Variants in CSPG4 observed in about 807,000 individuals in gnomAD.
CSPG4 encodes the protein chondroitin sulfate proteoglycan 4 (melanoma-associated).
CSPG4 carries 74 observed loss-of-function variants against 139.3 expected under a neutral mutation model. The ratio of observed to expected loss-of-function variants is 0.53; its 90% CI spans 0.44 to 0.64. The LOEUF is 0.64. Among genes scored for constraint, CSPG4 ranks in the 30% least tolerant of loss-of-function variants. The pLI is 0.00. For missense variants in CSPG4, 2,565 were observed against 3,148.3 expected (o/e 0.81, Z 4.43); for synonymous variants, 1,234 against 1,394.2 (o/e 0.89, Z 2.56).
At chr15:75,713,196 T>G (rs1469083461), upstream of CSPG4, among the ~76,000 whole-genome samples, 1 of 152,034 alleles carries the variant, frequency 6.6e-6, no homozygotes, top group Non-Finnish European at 1.5e-5. Flanking sequence ...AGGAGACCCC[T>G]CCACAGGCAC....
At chr15:75,708,346 T>C (rs1474913724) in intron 1 of CSPG4, among the ~76,000 whole-genome samples, 1 of 121,384 alleles carries the variant, frequency 8.2e-6, no homozygotes, top group Non-Finnish European at 1.7e-5. Context: ...CCAGGCCACC[T>C]TGACAGCAGC....
chr15:75,675,866 A>C lies in CSPG4; in HGVS notation c.6653T>G (p.Leu2218Arg). The C allele has an allele frequency of 6.2e-7, 1 of 1,608,066 alleles. No individual in the cohort carries two copies. The highest frequency in any genetic ancestry group is 8.5e-7 in the Non-Finnish European group (1 of 1,179,968). ...GATGACGCTGAACATGTTGGCCTCA[A>C]GGAAGCTCAGGAAGCCTCCCTTGGC... Reference protein sequence around the residue: ...AVAKGGFLSFLEANMFSVIIP... With the variant: ...AVAKGGFLSFREANMFSVIIP... The change falls in exon 10 of 10, where the codon CTT becomes CGT. Residue 2218 changes from leucine to arginine, a missense_variant. Physicochemically the swap from Leu to Arg is moderately radical, Grantham distance 102. Around this residue, in one of 5 missense-constraint regions of CSPG4, gnomAD observed 2,316 missense variants for 2,818.2 expected, o/e 0.82. Transcript: ENST00000308508.
chr15:75,693,746 C>T (rs1439298503), intron 1 of CSPG4, among the ~76,000 whole-genome samples: 1 of 152,234 alleles, frequency 6.6e-6, no homozygotes, highest in African/African-American at 2.4e-5. Flanking sequence ...TCCTGTGCAG[C>T]GCCTGCTGTG....
chr15:75,675,771 T>G lies in CSPG4; in HGVS notation c.6748A>C (p.Asn2250His). The G allele has an allele frequency of 6.2e-7, 1 of 1,613,112 alleles. No individual in the cohort carries two copies. Among genetic ancestry groups the G allele is most frequent in the East Asian group, 2.2e-5 (1 of 44,846 alleles). ...TGGACGTCATGCTTGCCCGTCTTGT[T>G]GCGTTTTCGGAGGTAGAAGAGCAGG... ...LPLLFYLRKR[N>H]KTGKHDVQVL... The change falls in exon 10 of 10, where the codon AAC becomes CAC. Residue 2250 changes from asparagine (N) to histidine (H), a missense_variant. This residue lies in a region of CSPG4 where 2,316 missense variants were observed against 2,818.2 expected (regional missense o/e 0.82). Transcript: ENST00000308508.
Position 75,676,647 on chromosome 15 carries a change from G to C in CSPG4, c.5872C>G (p.Arg1958Gly). 1 of 1,599,484 alleles carries C rather than the reference G, an allele frequency of 6.3e-7. No homozygotes were observed. Among genetic ancestry groups the C allele is most frequent in the Non-Finnish European group, 8.5e-7 (1 of 1,172,112 alleles). ...APLEVPQALG[R>G]SSLSQQQLRV... ...AGCTGCTGCTGGCTCAGTGAGGAGC[G>C]CCCCAAAGCTTGGGGCACCTCCAGG... Residue 1958 changes from arginine (R) to glycine (G), a missense_variant, in exon 10 of 10, where the codon CGC (arginine) becomes GGC (glycine). This residue lies in a region of CSPG4 where 2,316 missense variants were observed against 2,818.2 expected (regional missense o/e 0.82). Coordinates refer to ENST00000308508, the MANE Select transcript of CSPG4 (RefSeq NM_001897.5).
At chr15:75,683,945 TC>T (rs1480261790) in intron 5 of CSPG4, among the ~76,000 whole-genome samples, 1 of 152,142 alleles carries the variant, frequency 6.6e-6, no homozygotes, top group Non-Finnish European at 1.5e-5. Context: ...GGCCTGTGGT[TC>T]CAGAGCACTG....
chr15:75,702,802 G>A (rs1894322785), intron 1 of CSPG4, among the ~76,000 whole-genome samples: 1 of 152,088 alleles, frequency 6.6e-6, no homozygotes, highest in South Asian at 2.1e-4. Context: ...ATAGCCGGAG[G>A]CCACAGCCAC....
chr15:75,677,919 G>GGTCCAGCCTGTGTT (rs1383436691), intron 8 of CSPG4, 33 bp from the exon 9 acceptor site: 2 of 1,559,466 alleles, frequency 1.3e-6, no homozygotes, highest in South Asian at 2.3e-5. Flanking sequence ...GTGAGAGGCA[G>GGTCCAGCCTGTGTT]GTCCAGCCTG....
Position 75,685,426 on chromosome 15 carries a change from G to A in CSPG4, c.4065C>T (p.Pro1355=), listed in dbSNP as rs756515691. Residue 1355 remains proline, a synonymous_variant, in exon 4 of 10, where the codon CCC becomes CCT. Transcript: ENST00000308508. ...EGVLVELEVL[P]AAIPLEAQNF... ...TTTGCGCCTCTAGTGGGATGGCAGC[G>A]GGCAGCACCTCCAGCTCCACAAGGA... The A allele has an allele frequency of 5.0e-6, 8 of 1,612,030 alleles. No homozygotes were observed. The highest frequency in any genetic ancestry group is 4.0e-5 in the African/African-American group (3 of 74,916).
chr15:75,677,639 C>T (rs1893912448), intron 9 of CSPG4, 64 bp downstream of exon 9: 1 of 1,504,324 alleles, frequency 6.6e-7, no homozygotes, highest in Non-Finnish European at 8.9e-7. Flanking sequence ...GCCTCGTGTC[C>T]CCTCCTCCTG....
intron 8 of CSPG4, chr15:75,678,871 C>G (rs908867449): frequency 4.5e-6 from 2 of 442,516 alleles, no homozygotes; most frequent in Non-Finnish European, 9.1e-6. Context: ...TCTCAGCCTC[C>G]TCTTAACTGC....
chr15:75,712,881 C>T (rs1894467153), upstream of CSPG4: 3 of 729,218 alleles, frequency 4.1e-6, no homozygotes, highest in African/African-American at 3.8e-5. Flanking sequence ...CACTTAACTC[C>T]GGGGGCGGGG....
In CSPG4 at chr15:75,675,946, G is replaced by A. The variant is rs752726965; in HGVS notation, c.6573C>T (p.Ser2191=). ...AARTEAGKPE[S]STPTGEPGPM... ...GGCCTGGCTCGCCTGTGGGGGTGCTGCTCTCTGGCTTCCCTGCTTCCGTCC... is the reference window on the plus strand; with the variant it reads ...GGCCTGGCTCGCCTGTGGGGGTGCTACTCTCTGGCTTCCCTGCTTCCGTCC... Residue 2191 remains serine, a synonymous_variant, in exon 10 of 10, where the codon AGC becomes AGT. Coordinates refer to ENST00000308508, the MANE Select transcript of CSPG4 (RefSeq NM_001897.5). 2.5e-6 allele frequency: 4 copies of A among 1,589,398 alleles called. No homozygotes were observed. Among genetic ancestry groups the A allele is most frequent in the Non-Finnish European group, 3.4e-6 (4 of 1,171,956 alleles).
At chr15:75,684,488 C>T (rs1894024196) in intron 5 of CSPG4, among the ~76,000 whole-genome samples, 1 of 152,254 alleles carries the variant, frequency 6.6e-6, no homozygotes, top group Non-Finnish European at 1.5e-5. Context: ...AGCAGAGCCA[C>T]CCGTGGCCGC....
intron 1 of CSPG4, among the ~76,000 whole-genome samples, chr15:75,712,453 C>G (rs1894458847): frequency 6.6e-6 from 1 of 152,196 alleles, no homozygotes. Context: ...AACTGGACAG[C>G]CTTGGCTAGC....
intron 1 of CSPG4, among the ~76,000 whole-genome samples, chr15:75,705,246 TCCTGGGCTGGCAGG>T (rs1366314374): frequency 6.6e-6 from 1 of 151,674 alleles, no homozygotes; most frequent in African/African-American, 2.4e-5. Flanking sequence ...TTCTGAAGGG[TCCTGGGCTGGCAGG>T]CAGCCGCTGG....
At chr15:75,702,608 T>C (rs1894320502) in intron 1 of CSPG4, among the ~76,000 whole-genome samples, 6 of 152,138 alleles carry the variant, frequency 3.9e-5, no homozygotes, top group Admixed American at 2.6e-4. Flanking sequence ...CACCTTGTCT[T>C]ACCTCCAGTC....
intron 1 of CSPG4, among the ~76,000 whole-genome samples, chr15:75,697,791 G>A (rs1894247444): frequency 6.6e-6 from 1 of 152,190 alleles, no homozygotes. Context: ...TCTGTATGTG[G>A]GGGAGGGACA....
Position 75,690,633 on chromosome 15 carries a change from A to T in CSPG4, c.432T>A (p.Tyr144Ter), listed in dbSNP as rs1306903231. The T allele has an allele frequency of 6.2e-7, 1 of 1,611,592 alleles. No individual in the cohort carries two copies. The highest frequency in any genetic ancestry group is 8.5e-7 in the Non-Finnish European group (1 of 1,179,856). ...TCCCAGTGCCCCCAACAAAGAGCCC[A>T]TAGGGGACCTCTAGGGGGGCTCCTG... ...AVPGAPLEVP[Y>*]GLFVGGTGTL... is the part of the protein sequence containing the mutation. The change falls in exon 3 of 10, where the codon TAT (tyrosine) becomes TAA (stop). Residue 144 changes from tyrosine (Y) to a stop codon, truncating the protein, a stop_gained. Coordinates refer to ENST00000308508, the MANE Select transcript of CSPG4 (RefSeq NM_001897.5). LOFTEE classifies it high-confidence loss of function.
Sources: gnomAD v4.1 joint callset for allele counts (sites outside exome capture counted in the v4.1 genomes callset) on GRCh38, gnomAD v4.1.1 for gene constraint, gnomAD v4.1.1 regional missense constraint, MANE v1.5 for transcripts, NCBI Gene and HGNC (gene_info 2026-07-23, HGNC 2026-07-21) for gene names.